The following RABGAP1L variants were observed in gnomAD, a reference collection of about 807,000 sequenced individuals.
The protein encoded by RABGAP1L is rab GTPase-activating protein 1-like.
Under a neutral mutation model 137.7 loss-of-function variants are expected in RABGAP1L, and 63 were observed. The ratio of observed to expected loss-of-function variants is 0.46; its 90% CI spans 0.37 to 0.56. RABGAP1L has a LOEUF of 0.56. RABGAP1L is among the 20% of genes least tolerant of loss of function. The probability of loss-of-function intolerance (pLI) is 0.00; values close to 1 mark genes in which losing one functional copy is unlikely to be tolerated. For synonymous variants in RABGAP1L, 431 were observed against 433.7 expected (o/e 0.99, Z 0.08); for missense variants, 1,095 against 1,244.0 (o/e 0.88, Z 1.80).
At chr1:174,553,208 C>G (rs1666668255) in intron 13 of RABGAP1L, among the ~76,000 whole-genome samples, 1 of 152,118 alleles carries the variant, frequency 6.6e-6, no homozygotes, top group Admixed American at 6.5e-5. Context: ...GTTTGTTTTG[C>G]CGGGCAGAAG....
chr1:174,370,286 T>C (rs1402951820), intron 11 of RABGAP1L, among the ~76,000 whole-genome samples: 1 of 152,122 alleles, frequency 6.6e-6, no homozygotes, highest in African/African-American at 2.4e-5. Flanking sequence ...TTCCTTTCTC[T>C]ACTACCTCTG....
chr1:174,957,956 G>A, intron 20 of RABGAP1L: 3 of 1,572,704 alleles, frequency 1.9e-6, no homozygotes, highest in Non-Finnish European at 1.7e-6. Flanking sequence ...GAAGCTGAGA[G>A]AAAGAGAGGG....
chr1:174,586,920 A>G (rs867830946), intron 13 of RABGAP1L, among the ~76,000 whole-genome samples: 17 of 152,230 alleles, frequency 1.1e-4, no homozygotes, highest in Middle Eastern at 3.4e-3. Context: ...AAAAAGTACA[A>G]TATGAGTGTG....
At chr1:174,430,936 C>T (rs915886461) in intron 13 of RABGAP1L, among the ~76,000 whole-genome samples, 1 of 152,128 alleles carries the variant, frequency 6.6e-6, no homozygotes, top group African/African-American at 2.4e-5. Flanking sequence ...TTTGATCATT[C>T]TATACTTCAT....
intron 11 of RABGAP1L, among the ~76,000 whole-genome samples, chr1:174,348,167 A>G (rs1682627058): frequency 6.7e-6 from 1 of 150,210 alleles, no homozygotes; most frequent in African/African-American, 2.4e-5. Flanking sequence ...GATCTTTTGT[A>G]TGTTTTTTGA....
intron 11 of RABGAP1L, among the ~76,000 whole-genome samples, chr1:174,322,185 C>G (rs894238534): frequency 6.6e-6 from 1 of 151,996 alleles, no homozygotes; most frequent in Non-Finnish European, 1.5e-5. Context: ...TTTTCCTTTG[C>G]TCCTTTAGAT....
intron 11 of RABGAP1L, among the ~76,000 whole-genome samples, chr1:174,346,994 A>T (rs116543199): frequency 6.6e-6 from 1 of 152,180 alleles, no homozygotes; most frequent in Non-Finnish European, 1.5e-5. Flanking sequence ...GTCATTCAGG[A>T]GGAAGTTGTC....
intron 17 of RABGAP1L, among the ~76,000 whole-genome samples, chr1:174,743,401 C>T (rs895636047): frequency 1.3e-5 from 2 of 152,118 alleles, no homozygotes; most frequent in African/African-American, 4.8e-5. Flanking sequence ...AGACCAAAAA[C>T]GTCAATTTCT....
intron 19 of RABGAP1L, among the ~76,000 whole-genome samples, chr1:174,913,500 A>G (rs1378106896): frequency 6.6e-6 from 1 of 152,134 alleles, no homozygotes; most frequent in African/African-American, 2.4e-5. Flanking sequence ...TTGAGATACA[A>G]TCTTTCTGAT....
intron 18 of RABGAP1L, among the ~76,000 whole-genome samples, chr1:174,763,729 G>C (rs1168733784): frequency 7.7e-6 from 1 of 130,208 alleles, no homozygotes; most frequent in South Asian, 2.5e-4. Flanking sequence ...TCCCAGCTAT[G>C]CAGGAGGCTG....
rs575725176 is a variant in RABGAP1L, at chr1:174,717,920, A to G, written c.2169+15664A>G. ...AACATATCAAGTAATTCTTTTCTCC[A>G]AACTTCAAACTGTTATAGTTCACAC... On this transcript the variant is annotated intron_variant, in intron 17 of 25. Coordinates refer to ENST00000681986, the MANE Select transcript of RABGAP1L (RefSeq NM_001366446.1). Among the ~76,000 whole-genome samples the G allele has an allele frequency of 2.6e-5, 4 of 152,336 alleles. No homozygotes were observed. The East Asian group carries it at 5.8e-4, about 22-fold the overall frequency.
At chr1:174,489,823 A>G (rs953605929) in intron 13 of RABGAP1L, among the ~76,000 whole-genome samples, 5 of 152,088 alleles carry the variant, frequency 3.3e-5, no homozygotes, top group African/African-American at 1.2e-4. Flanking sequence ...AATGTGACAT[A>G]TTTACACTAT....
intron 17 of RABGAP1L, among the ~76,000 whole-genome samples, chr1:174,731,837 A>G (rs1408434485): frequency 6.6e-6 from 1 of 152,204 alleles, no homozygotes; most frequent in African/African-American, 2.4e-5. Context: ...ATGTCTCTGT[A>G]CACTTATTCA....
chr1:174,560,267 CTG>C (rs1162038552), intron 13 of RABGAP1L, among the ~76,000 whole-genome samples: 2 of 152,148 alleles, frequency 1.3e-5, no homozygotes, highest in East Asian at 1.9e-4. Flanking sequence ...CTGCACTAAA[CTG>C]TGTCTCCACC....
intron 1 of RABGAP1L, among the ~76,000 whole-genome samples, chr1:174,171,925 C>T (rs766933969): frequency 1.3e-4 from 20 of 152,010 alleles, no homozygotes; most frequent in Non-Finnish European, 2.8e-4. Context: ...CGTTTTAACC[C>T]GGGAGGCGGA....
At chr1:174,822,893 T>G (rs1691188841) in intron 19 of RABGAP1L, among the ~76,000 whole-genome samples, 1 of 152,274 alleles carries the variant, frequency 6.6e-6, no homozygotes. Flanking sequence ...GCCAGTCATT[T>G]TCTGGCAGTT....
rs200872896 is a variant in RABGAP1L, at chr1:174,803,611, A to AT, written c.2212-8209dup. 2.4e-3 allele frequency among the ~76,000 whole-genome samples: 361 copies of AT among 148,198 alleles called. 4 individuals carry two copies. The East Asian group carries it at 0.047, about 19-fold the overall frequency. ...AGATAAGAAAGAGAATCACATTTAGATTTTTTTTTTTTCAAATAGTCCCCT... is the reference window on the plus strand; with the variant it reads ...AGATAAGAAAGAGAATCACATTTAGATTTTTTTTTTTTTCAAATAGTCCCCT... On this transcript the variant is annotated intron_variant, in intron 18 of 25. Coordinates refer to ENST00000681986, the MANE Select transcript of RABGAP1L (RefSeq NM_001366446.1).
intron 19 of RABGAP1L, among the ~76,000 whole-genome samples, chr1:174,889,886 T>C (rs1394560571): frequency 6.6e-6 from 1 of 152,146 alleles, no homozygotes; most frequent in African/African-American, 2.4e-5. Context: ...CATACCACCA[T>C]GCCCAGCTAA....
At chr1:174,542,926 A>T (rs190542588) in intron 13 of RABGAP1L, among the ~76,000 whole-genome samples, 1 of 152,138 alleles carries the variant, frequency 6.6e-6, no homozygotes, top group Non-Finnish European at 1.5e-5. Flanking sequence ...CTTAATCCTG[A>T]GTTCTAGTTT....
Sources: allele counts gnomAD v4.1 joint callset (sites outside exome capture counted in the v4.1 genomes callset), GRCh38; gene constraint gnomAD v4.1.1; transcripts MANE v1.5; gene names NCBI Gene and HGNC (gene_info 2026-07-23, HGNC 2026-07-21).